LIPA: variants seen among roughly 807,000 people sequenced by gnomAD.
LIPA encodes the protein lysosomal acid lipase/cholesteryl ester hydrolase.
LIPA carries 26 observed loss-of-function variants against 40.6 expected under a neutral mutation model. That is an observed-to-expected ratio of 0.64 (90% CI 0.47 to 0.89). The LOEUF is 0.89. Ranked by LOEUF, LIPA falls within the 40% of genes least tolerant of loss-of-function variation. LIPA has a pLI of 0.00. For synonymous variants in LIPA, 188 were observed against 168.4 expected (o/e 1.12, Z -0.90); for missense variants, 455 against 479.6 (o/e 0.95, Z 0.48).
At chr10:89,375,686 G>A (rs1301417765) in intron 2 of LIPA, among the ~76,000 whole-genome samples, 8 of 152,256 alleles carry the variant, frequency 5.3e-5, no homozygotes, top group Non-Finnish European at 1.0e-4. Flanking sequence ...GCAGGGCTAC[G>A]TGGGCCTAGT....
intron 4 of LIPA, among the ~76,000 whole-genome samples, chr10:89,227,499 C>T (rs1441264979): frequency 6.6e-6 from 1 of 152,160 alleles, no homozygotes; most frequent in Non-Finnish European, 1.5e-5. Context: ...CTTAGAGGTG[C>T]CTCTGGTTTT....
At chr10:89,348,880 A>C (rs952940121) in intron 2 of LIPA, among the ~76,000 whole-genome samples, 23 of 152,176 alleles carry the variant, frequency 1.5e-4, no homozygotes, top group African/African-American at 4.8e-4. Context: ...CTGAATTTTC[A>C]AAAACTTTCA....
chr10:89,390,268 G>A (rs918970336), intron 2 of LIPA, among the ~76,000 whole-genome samples: 3 of 152,056 alleles, frequency 2.0e-5, no homozygotes, highest in Admixed American at 6.5e-5. Flanking sequence ...TTACAGGCGT[G>A]AGCCACTGTG....
At chr10:89,285,031 C>G (rs1485192179) in intron 1 of LIPA, 2 of 152,266 alleles carry the variant, frequency 1.3e-5, no homozygotes, top group Non-Finnish European at 2.9e-5. Flanking sequence ...TCTTTTTGGA[C>G]TCAGCTCGCC....
intron 1 of LIPA, among the ~76,000 whole-genome samples, chr10:89,322,485 GA>G (rs1843577184): frequency 6.6e-6 from 1 of 152,124 alleles, no homozygotes; most frequent in African/African-American, 2.4e-5. Context: ...GAGTGAGTGA[GA>G]ACCCCCTAGG....
At chr10:89,408,831 T>A (rs542346737) in intron 2 of LIPA, among the ~76,000 whole-genome samples, 1 of 152,114 alleles carries the variant, frequency 6.6e-6, no homozygotes, top group Non-Finnish European at 1.5e-5. Context: ...CTTAGTCAGA[T>A]AAATGATAGA....
intron 1 of LIPA, among the ~76,000 whole-genome samples, chr10:89,305,530 A>T (rs1322388203): frequency 1.3e-5 from 2 of 152,186 alleles, no homozygotes; most frequent in Non-Finnish European, 2.9e-5. Flanking sequence ...TAAAAGAATA[A>T]AAAATTATAA....
intron 2 of LIPA, chr10:89,363,496 G>A (rs1278517769): frequency 1.3e-5 from 2 of 152,288 alleles, no homozygotes; most frequent in East Asian, 3.9e-4. Flanking sequence ...AAAAGAGCTG[G>A]GCTGGGCGCG....
At chr10:89,259,914 G>A (rs1255987110) in intron 1 of LIPA, among the ~76,000 whole-genome samples, 1 of 152,176 alleles carries the variant, frequency 6.6e-6, no homozygotes, top group Non-Finnish European at 1.5e-5. Context: ...CTGGATGACA[G>A]AGAGGCATGG....
intron 3 of LIPA, among the ~76,000 whole-genome samples, chr10:89,240,311 A>T (rs1247647800): frequency 6.6e-6 from 1 of 152,252 alleles, no homozygotes; most frequent in Non-Finnish European, 1.5e-5. Flanking sequence ...AATTAAAAAC[A>T]GAGGCTGGGC....
intron 1 of LIPA, chr10:89,306,487 A>C: frequency 1.2e-6 from 2 of 1,614,126 alleles, no homozygotes; most frequent in Middle Eastern, 3.3e-4. Flanking sequence ...TCACCTCTGG[A>C]CTGGCAATAG....
intron 3 of LIPA, among the ~76,000 whole-genome samples, chr10:89,239,508 G>A (rs2133453655): frequency 6.6e-6 from 1 of 152,352 alleles, no homozygotes; most frequent in Non-Finnish European, 1.5e-5. Flanking sequence ...CCACTGTGCA[G>A]TCCACTGCAC....
intron 8 of LIPA, among the ~76,000 whole-genome samples, chr10:89,217,771 C>G (rs1048308900): frequency 2.0e-5 from 3 of 152,198 alleles, no homozygotes; most frequent in Admixed American, 6.5e-5. Context: ...TTACATCAAA[C>G]AGTAGAATTG....
chr10:89,412,690 G>A lies in LIPA; in HGVS notation c.61+101C>T, dbSNP rs541987411. 97 of 416,582 alleles carry A rather than the reference G, an allele frequency of 2.3e-4. 1 individual carries two copies. Among genetic ancestry groups the A allele is most frequent in the South Asian group, 1.5e-3 (86 of 58,804 alleles). The allele number at this position is 416,582 out of a possible 1,614,324, so 25.8% of individuals were successfully genotyped here. A position where few individuals can be genotyped will look rare whatever the true frequency, so the allele number is the denominator to read the frequency against. Reference sequence around the variant, plus strand: ...AGTCAGTGAAACCACGAACCCACCGGGAGGAACGAACAACTCCGGACGCGC... The same window carrying A: ...AGTCAGTGAAACCACGAACCCACCGAGAGGAACGAACAACTCCGGACGCGC... On this transcript the variant is annotated intron_variant, in intron 2 of 8. Coordinates refer to the LIPA transcript ENST00000371837.
intron 9 of LIPA, among the ~76,000 whole-genome samples, chr10:89,215,355 T>C (rs536012175): frequency 1.3e-5 from 2 of 152,118 alleles, no homozygotes; most frequent in Non-Finnish European, 2.9e-5. Flanking sequence ...ACTCCATAGG[T>C]AGTACACTCA....
intron 1 of LIPA, among the ~76,000 whole-genome samples, chr10:89,282,846 G>A (rs1416898804): frequency 2.0e-5 from 3 of 152,154 alleles, no homozygotes; most frequent in Non-Finnish European, 4.4e-5. Flanking sequence ...GAGACTTGCT[G>A]CACTTAAGGA....
intron 2 of LIPA, chr10:89,384,880 T>A (rs1219739797): frequency 4.3e-6 from 3 of 698,716 alleles, no homozygotes; most frequent in African/African-American, 3.6e-5. Context: ...CTGAGTTATG[T>A]AGCATGCAAC....
At chr10:89,241,346 C>T (rs1279747302) in intron 3 of LIPA, among the ~76,000 whole-genome samples, 4 of 152,176 alleles carry the variant, frequency 2.6e-5, no homozygotes, top group Admixed American at 6.5e-5. Context: ...CTGAGCTCAG[C>T]CCAAGTCACC....
chr10:89,296,417 G>A (rs117798912), intron 1 of LIPA, among the ~76,000 whole-genome samples: 2,314 of 150,970 alleles, frequency 0.015, 58 homozygotes, highest in Admixed American at 0.078. Context: ...GCTTGAACCC[G>A]GTAGGCAGAG....
Sources: allele counts gnomAD v4.1 joint callset (sites outside exome capture counted in the v4.1 genomes callset), GRCh38; gene constraint gnomAD v4.1.1; transcripts MANE v1.5; gene names NCBI Gene and HGNC (gene_info 2026-07-23, HGNC 2026-07-21).